The following DHRS3 variants were observed in gnomAD, a reference collection of about 807,000 sequenced individuals.
DHRS3 encodes dehydrogenase/reductase 3, also known as short-chain dehydrogenase/reductase 3.
In DHRS3, 14 loss-of-function variants were observed where a neutral mutation model predicts 27.2. The observed-to-expected ratio is 0.52, with a 90% confidence interval of 0.34 to 0.81. DHRS3 has a LOEUF of 0.81. Among genes scored for constraint, DHRS3 ranks in the 30% least tolerant of loss-of-function variants. DHRS3 has a pLI of 0.01. For synonymous variants in DHRS3, 165 were observed against 175.9 expected (o/e 0.94, Z 0.49); for missense variants, 322 against 406.2 (o/e 0.79, Z 1.78).
At position 12,578,975 on chromosome 1, in the gene DHRS3, T is replaced by C. The variant is rs749031572; in HGVS notation, c.460-19A>G. ...TGGTGGTCTGAGGGCAGATGGGGTG[T>C]CAGGGTGGAGCAGCTGCAGCTCTGA... On this transcript the variant is annotated intron_variant, in intron 3 of 5. Transcript: ENST00000616661. The surrounding 1 kb of genome is among the most constrained non-coding windows in gnomAD (Gnocchi z 4.5). 6.2e-7 allele frequency: 1 copy of C among 1,601,712 alleles called. No individual in the cohort carries two copies. Among genetic ancestry groups the C allele is most frequent in the Admixed American group, 1.7e-5 (1 of 59,916 alleles).
intron 1 of DHRS3, 111 bp downstream of exon 1, chr1:12,617,043 T>G (rs1646949089): frequency 3.2e-6 from 4 of 1,264,122 alleles, no homozygotes; most frequent in Non-Finnish European, 4.3e-6. Flanking sequence ...CGCGGAGAAG[T>G]GGGGTGGCCG....
chr1:12,573,469 G>A (rs77759124), intron 4 of DHRS3, among the ~76,000 whole-genome samples: 1 of 152,242 alleles, frequency 6.6e-6, no homozygotes, highest in Non-Finnish European at 1.5e-5. Flanking sequence ...TGAGGGTGGA[G>A]GCCTGGTCGG....
intron 1 of DHRS3, among the ~76,000 whole-genome samples, chr1:12,581,021 TA>T (rs1328988951): frequency 2.6e-5 from 4 of 151,868 alleles, no homozygotes; most frequent in Non-Finnish European, 5.9e-5. Flanking sequence ...AGAGTAGGGG[TA>T]TTCTTATGTT....
intron 1 of DHRS3, among the ~76,000 whole-genome samples, chr1:12,613,915 G>T (rs561678432): frequency 1.4e-4 from 21 of 151,986 alleles, no homozygotes; most frequent in African/African-American, 4.8e-4. Flanking sequence ...GATTACGGGC[G>T]CTTACCACCA....
At chr1:12,573,462 G>A (rs2100646421) in intron 4 of DHRS3, among the ~76,000 whole-genome samples, 1 of 152,348 alleles carries the variant, frequency 6.6e-6, no homozygotes, top group East Asian at 1.9e-4. Context: ...AGTTCCATGA[G>A]GGTGGAGGCC....
chr1:12,590,330 G>A (rs1270083519), intron 1 of DHRS3, among the ~76,000 whole-genome samples: 1 of 152,144 alleles, frequency 6.6e-6, no homozygotes, highest in Non-Finnish European at 1.5e-5. Context: ...TTTGCTTTGA[G>A]ATGATGTTTC....
rs115392382 is a variant in DHRS3, at chr1:12,583,064, C to T, written c.196-2398G>A. Among the ~76,000 whole-genome samples the T allele has an allele frequency of 5.4e-3, 802 of 149,034 alleles. 6 individuals carry two copies. The highest frequency in any genetic ancestry group is 0.019 in the African/African-American group (761 of 40,228). Reference sequence around the variant, plus strand: ...TCCATCCACTCATCCACTCACCTACCCCATTCCATTAATCTGTCCACTCAC... The same window carrying T: ...TCCATCCACTCATCCACTCACCTACTCCATTCCATTAATCTGTCCACTCAC... On this transcript the variant is annotated intron_variant, in intron 1 of 5. Coordinates refer to ENST00000616661, the MANE Select transcript of DHRS3 (RefSeq NM_004753.7).
chr1:12,609,309 T>TCACC (rs1489213133), intron 1 of DHRS3, among the ~76,000 whole-genome samples: 1 of 152,094 alleles, frequency 6.6e-6, no homozygotes, highest in Non-Finnish European at 1.5e-5. Context: ...CAGAGCCGTG[T>TCACC]CACCCTGAAG....
Position 12,578,120 on chromosome 1 carries a change from C to T in DHRS3, c.698+598G>A, listed in dbSNP as rs190763883. 6.4e-4 allele frequency among the ~76,000 whole-genome samples: 97 copies of T among 151,960 alleles called. 1 individual carries two copies. Among genetic ancestry groups the T allele is most frequent in the South Asian group, 3.1e-3 (15 of 4,804 alleles). On this transcript the variant is annotated intron_variant, in intron 4 of 5. Transcript: ENST00000616661. This position sits in a 1 kb window ranked among gnomAD's most constrained non-coding sequence, Gnocchi z 4.5. ...TGCACCCTATGTCTCAAGCTCCCTT[C>T]GCCCTGCACGACGCTGTGGAGGTGC... is the stretch of plus-strand genomic sequence containing the variant.
chr1:12,568,180 G>A lies in DHRS3; in HGVS notation c.*160C>T. On this transcript the variant is annotated 3_prime_UTR_variant, in exon 6 of 6. Coordinates refer to ENST00000616661, the MANE Select transcript of DHRS3 (RefSeq NM_004753.7). Reference sequence around the variant, plus strand: ...GTTATACCCATCAGTCCTGTGCAAAGGTCCTGGGACTGGCCCAGGGGCAGC... The same window carrying A: ...GTTATACCCATCAGTCCTGTGCAAAAGTCCTGGGACTGGCCCAGGGGCAGC... 3.0e-6 allele frequency: 2 copies of A among 670,996 alleles called. No individual in the cohort carries two copies. The highest frequency in any genetic ancestry group is 5.3e-6 in the Non-Finnish European group (2 of 379,492). 41.6% of individuals were successfully genotyped at this position (670,996 alleles called of 1,614,324 possible). A position where few individuals can be genotyped will look rare whatever the true frequency, so the allele number is the denominator to read the frequency against.
At chr1:12,614,551 G>GCT (rs1646931547) in intron 1 of DHRS3, among the ~76,000 whole-genome samples, 1 of 150,102 alleles carries the variant, frequency 6.7e-6, no homozygotes, top group African/African-American at 2.5e-5. Context: ...GGCCACCTTT[G>GCT]CACCCTAAGG....
Position 12,591,341 on chromosome 1 carries a change from G to A in DHRS3, c.196-10675C>T, listed in dbSNP as rs1429238362. 9.2e-5 allele frequency among the ~76,000 whole-genome samples: 14 copies of A among 152,208 alleles called. No individual in the cohort carries two copies. The highest frequency in any genetic ancestry group is 9.2e-4 in the Admixed American group (14 of 15,286). ...AGCCTAGGCAGGTCTCTCCCACGTAGCCCTGCAAAACAGGCTTTCCCTGGC... is the reference window on the plus strand; with the variant it reads ...AGCCTAGGCAGGTCTCTCCCACGTAACCCTGCAAAACAGGCTTTCCCTGGC... On this transcript the variant is annotated intron_variant, in intron 1 of 5. Transcript: ENST00000616661. The surrounding 1 kb of genome is among the most constrained non-coding windows in gnomAD (Gnocchi z 4.1).
intron 1 of DHRS3, among the ~76,000 whole-genome samples, chr1:12,597,182 TTC>T (rs1646804528): frequency 6.6e-6 from 1 of 152,156 alleles, no homozygotes; most frequent in Non-Finnish European, 1.5e-5. Flanking sequence ...GTTCAAGCGA[TTC>T]TCCTGCCTCA....
intron 1 of DHRS3, among the ~76,000 whole-genome samples, chr1:12,599,985 C>G (rs1270037226): frequency 1.3e-5 from 2 of 152,154 alleles, no homozygotes; most frequent in African/African-American, 4.8e-5. Context: ...ACAACAAAGA[C>G]TGGTTGGAAG....
At chr1:12,614,306 G>T (rs1420040937) in intron 1 of DHRS3, among the ~76,000 whole-genome samples, 1 of 152,190 alleles carries the variant, frequency 6.6e-6, no homozygotes, top group African/African-American at 2.4e-5. Context: ...CCAGAAGTTA[G>T]TTCCCTTGGA....
At chr1:12,600,799 C>T (rs910466906) in intron 1 of DHRS3, among the ~76,000 whole-genome samples, 1 of 152,198 alleles carries the variant, frequency 6.6e-6, no homozygotes, top group African/African-American at 2.4e-5. Flanking sequence ...TTCCTTTCCT[C>T]TCATATCACA....
rs967874502 is a variant in DHRS3 at position 12,567,975 on chromosome 1, G to A, written c.*365C>T. On this transcript the variant is annotated 3_prime_UTR_variant, in exon 6 of 6. Coordinates refer to ENST00000616661, the MANE Select transcript of DHRS3 (RefSeq NM_004753.7). Reference sequence around the variant, plus strand: ...CAACCAGTTTGTGCAAGCTGAGGATGAGTGGGTTTTGGAACGGGAGGCAGA... The same window carrying A: ...CAACCAGTTTGTGCAAGCTGAGGATAAGTGGGTTTTGGAACGGGAGGCAGA... The A allele has an allele frequency of 5.8e-6, 1 of 171,914 alleles. No homozygotes were observed. Among genetic ancestry groups the A allele is most frequent in the African/African-American group, 2.4e-5 (1 of 42,098 alleles). The allele number at this position is 171,914 out of a possible 1,614,324, so 10.6% of individuals were successfully genotyped here.
At chr1:12,605,045 A>G (rs955127654) in intron 1 of DHRS3, among the ~76,000 whole-genome samples, 3 of 138,830 alleles carry the variant, frequency 2.2e-5, no homozygotes, top group African/African-American at 8.2e-5. Context: ...GTGCCACTGC[A>G]CTCCAGCCTG....
intron 1 of DHRS3, among the ~76,000 whole-genome samples, chr1:12,598,375 G>A (rs949106543): frequency 1.3e-5 from 2 of 150,680 alleles, no homozygotes; most frequent in South Asian, 2.1e-4. Context: ...ACTCTGTCTC[G>A]GCAAGTAAAA....
Sources: allele counts gnomAD v4.1 joint callset (sites outside exome capture counted in the v4.1 genomes callset), GRCh38; gene constraint gnomAD v4.1.1; non-coding constraint Gnocchi (gnomAD v3.1); transcripts MANE v1.5; gene names NCBI Gene and HGNC (gene_info 2026-07-23, HGNC 2026-07-21).